ARHGAP10: variants seen among roughly 807,000 people sequenced by gnomAD.
The protein encoded by ARHGAP10 is Rho GTPase activating protein 10, also known as rho GTPase-activating protein 10.
In ARHGAP10, 87 loss-of-function variants were observed where a neutral mutation model predicts 108.6. The ratio of observed to expected loss-of-function variants is 0.80; its 90% CI spans 0.67 to 0.96. The LOEUF (loss-of-function observed/expected upper bound fraction) is 0.96, where lower values mean the gene tolerates loss of function less well. ARHGAP10 is among the 40% of genes least tolerant of loss of function. The pLI, the probability that ARHGAP10 is intolerant of heterozygous loss-of-function variation, is 0.00. For synonymous variants in ARHGAP10, 347 were observed against 341.1 expected, an observed-to-expected ratio of 1.02 and a Z score of -0.19; for missense variants, 939 against 954.5, an observed-to-expected ratio of 0.98 and a Z score of 0.21.
intron 1 of ARHGAP10, among the ~76,000 whole-genome samples, chr4:147,786,197 G>A (rs1730882725): frequency 6.6e-6 from 1 of 152,100 alleles, no homozygotes; most frequent in East Asian, 1.9e-4. Flanking sequence ...TTATTAGCTG[G>A]TAGCTGGAGA....
chr4:147,753,552 C>A (rs1190258074), intron 1 of ARHGAP10, among the ~76,000 whole-genome samples: 4 of 150,238 alleles, frequency 2.7e-5, no homozygotes, highest in Non-Finnish European at 4.4e-5. Flanking sequence ...TGGAGTTTCA[C>A]CATGTTGGCC....
At chr4:147,750,643 C>T (rs1729101225) in intron 1 of ARHGAP10, among the ~76,000 whole-genome samples, 1 of 151,412 alleles carries the variant, frequency 6.6e-6, no homozygotes. Context: ...ACTCTGTAAC[C>T]CAGGCTGGAG....
At chr4:147,779,757 G>A (rs761700095) in intron 1 of ARHGAP10, among the ~76,000 whole-genome samples, 4 of 152,048 alleles carry the variant, frequency 2.6e-5, no homozygotes, top group Non-Finnish European at 4.4e-5. Flanking sequence ...TTTTCAGAAG[G>A]GTCTATGAAT....
chr4:147,910,789 A>C (rs1736699030), intron 12 of ARHGAP10, among the ~76,000 whole-genome samples: 1 of 152,204 alleles, frequency 6.6e-6, no homozygotes, highest in Non-Finnish European at 1.5e-5. Context: ...CACAGTTTGT[A>C]AACACTGTGG....
chr4:147,832,516 G>A (rs774155685), intron 3 of ARHGAP10, among the ~76,000 whole-genome samples: 5 of 151,122 alleles, frequency 3.3e-5, no homozygotes, highest in African/African-American at 4.9e-5. Context: ...TCGTGGTGGC[G>A]GGCACCTGTA....
chr4:147,791,244 T>A (rs1453028657), intron 1 of ARHGAP10, among the ~76,000 whole-genome samples: 1 of 151,746 alleles, frequency 6.6e-6, no homozygotes, highest in Non-Finnish European at 1.5e-5. Flanking sequence ...CCTGAGTAGC[T>A]GGGATTACAA....
chr4:147,937,545 T>A (rs1344384597), intron 13 of ARHGAP10, among the ~76,000 whole-genome samples: 5 of 151,808 alleles, frequency 3.3e-5, no homozygotes, highest in Non-Finnish European at 7.4e-5. Flanking sequence ...GCAAAGAGGA[T>A]TTATATTCCT....
rs2126909983 is a variant in ARHGAP10 at position 147,906,696 on chromosome 4, G to A, written c.1093G>A (p.Glu365Lys). The A allele has an allele frequency of 6.2e-7, 1 of 1,614,192 alleles. No homozygotes were observed. Among genetic ancestry groups the A allele is most frequent in the Non-Finnish European group, 8.5e-7 (1 of 1,180,026 alleles). The change falls in exon 11 of 23, where the codon GAA becomes AAA. Residue 365 changes from glutamate to lysine, a missense_variant. Transcript: ENST00000336498. ...CGAAGAGGAAAGGAAGCAGTGGTTG[G>A]AAGCTCTGGGTGGAAAGGAAGCTGT... ...FSEEERKQWLEALGGKEALSH... is the reference protein window; with the variant it reads ...FSEEERKQWLKALGGKEALSH...
At chr4:147,766,832 A>ATTTATTTATT (rs1165274295) in intron 1 of ARHGAP10, among the ~76,000 whole-genome samples, 2 of 27,950 alleles carry the variant, frequency 7.2e-5, no homozygotes, top group African/African-American at 1.6e-4. Context: ...ATATATATAT[A>ATTTATTTATT]TATATATTTA....
At chr4:147,881,804 A>G in intron 9 of ARHGAP10, 34 bp from the exon 10 acceptor site, 1 of 1,597,236 alleles carries the variant, frequency 6.3e-7, no homozygotes, top group Non-Finnish European at 8.6e-7. Flanking sequence ...CTTATCCTGT[A>G]GGTTTTGAGA....
intron 1 of ARHGAP10, among the ~76,000 whole-genome samples, chr4:147,801,782 C>G (rs1014062643): frequency 6.6e-6 from 1 of 152,228 alleles, no homozygotes; most frequent in African/African-American, 2.4e-5. Context: ...CCACAGACAT[C>G]AGATACCTCT....
At chr4:148,043,297 T>C (rs1028370116) in intron 19 of ARHGAP10, among the ~76,000 whole-genome samples, 1 of 152,066 alleles carries the variant, frequency 6.6e-6, no homozygotes, top group Admixed American at 6.6e-5. Context: ...AATCCTTTGG[T>C]ACCATTTTTG....
intron 1 of ARHGAP10, among the ~76,000 whole-genome samples, chr4:147,772,418 T>C: frequency 6.6e-6 from 1 of 152,230 alleles, no homozygotes; most frequent in Non-Finnish European, 1.5e-5. Context: ...GCCACAGTTC[T>C]ACAGACAGAT....
At chr4:148,040,908 A>G (rs1728609112) in intron 19 of ARHGAP10, among the ~76,000 whole-genome samples, 1 of 152,132 alleles carries the variant, frequency 6.6e-6, no homozygotes, top group Non-Finnish European at 1.5e-5. Flanking sequence ...CTTTATCACA[A>G]GAGTGTTTCT....
intron 7 of ARHGAP10, among the ~76,000 whole-genome samples, chr4:147,867,842 C>T (rs75643193): frequency 0.032 from 3,482 of 110,442 alleles, 152 homozygotes; most frequent in African/African-American, 0.1. Flanking sequence ...CCAGCCTGGG[C>T]GACAGAGTGA....
intron 9 of ARHGAP10, 30 bp downstream of exon 9, chr4:147,879,368 T>A (rs1735233856): frequency 1.9e-6 from 3 of 1,586,774 alleles, no homozygotes; most frequent in Non-Finnish European, 2.6e-6. Context: ...TAGAATAGAT[T>A]ATAATCTGTC....
intron 13 of ARHGAP10, among the ~76,000 whole-genome samples, chr4:147,936,077 C>G (rs765079189): frequency 1.4e-4 from 21 of 152,130 alleles, no homozygotes; most frequent in Non-Finnish European, 2.5e-4. Flanking sequence ...ATGATTTGCT[C>G]TTTTGGCTTC....
intron 1 of ARHGAP10, among the ~76,000 whole-genome samples, chr4:147,756,130 C>CAAAAAAAAA: frequency 1.0e-5 from 1 of 96,174 alleles, no homozygotes; most frequent in Non-Finnish European, 2.1e-5. Flanking sequence ...TACTAGGAGG[C>CAAAAAAAAA]AAAAAAAAAA....
intron 1 of ARHGAP10, among the ~76,000 whole-genome samples, chr4:147,758,346 T>C (rs1729462915): frequency 6.6e-6 from 1 of 152,244 alleles, no homozygotes; most frequent in African/African-American, 2.4e-5. Flanking sequence ...TTTAATTCTT[T>C]TAGCAGCTTA....
Sources: allele counts gnomAD v4.1 joint callset (sites outside exome capture counted in the v4.1 genomes callset), GRCh38; gene constraint gnomAD v4.1.1; transcripts MANE v1.5; gene names NCBI Gene and HGNC (gene_info 2026-07-23, HGNC 2026-07-21).